Variants in RUNX1T1 observed in about 807,000 individuals in gnomAD.
The protein encoded by RUNX1T1 is RUNX1 partner transcriptional co-repressor 1, also known as protein CBFA2T1.
RUNX1T1 carries 4 observed loss-of-function variants against 62.8 expected under a neutral mutation model. That is an observed-to-expected ratio of 0.06 (90% CI 0.03 to 0.15). The LOEUF (loss-of-function observed/expected upper bound fraction) is 0.15, where lower values mean the gene tolerates loss of function less well. RUNX1T1 is among the 10% of genes least tolerant of loss of function. The pLI, the probability that RUNX1T1 is intolerant of heterozygous loss-of-function variation, is 1.00. For missense variants in RUNX1T1, 508 were observed against 754.3 expected, an observed-to-expected ratio of 0.67 and a Z score of 3.82; for synonymous variants, 291 against 286.0, an observed-to-expected ratio of 1.02 and a Z score of -0.18.
chr8:92,026,640 T>C (rs1825205292), intron 1 of RUNX1T1, among the ~76,000 whole-genome samples: 1 of 150,686 alleles, frequency 6.6e-6, no homozygotes, highest in Non-Finnish European at 1.5e-5. Flanking sequence ...GCTAACACAG[T>C]GAAACCCCGT....
intron 1 of RUNX1T1, among the ~76,000 whole-genome samples, chr8:92,096,047 C>A (rs187013173): frequency 6.6e-6 from 1 of 152,300 alleles, no homozygotes; most frequent in Non-Finnish European, 1.5e-5. Context: ...AGTTCTTGTC[C>A]CTTTCTTTGC....
chr8:92,090,495 A>T (rs1329689149), intron 1 of RUNX1T1, among the ~76,000 whole-genome samples: 1 of 152,124 alleles, frequency 6.6e-6, no homozygotes, highest in Non-Finnish European at 1.5e-5. Flanking sequence ...TGTAGAATGA[A>T]GGTATTCTGA....
intron 1 of RUNX1T1, among the ~76,000 whole-genome samples, chr8:92,090,022 CG>C (rs1836743705): frequency 1.3e-5 from 2 of 150,994 alleles, no homozygotes; most frequent in African/African-American, 4.9e-5. Flanking sequence ...GAGACTTGTC[CG>C]TATGAGAGTT....
intron 1 of RUNX1T1, 122 bp from the exon 3 acceptor site, chr8:92,017,485 A>G: frequency 6.4e-7 from 1 of 1,554,086 alleles, no homozygotes; most frequent in Non-Finnish European, 8.7e-7. Flanking sequence ...TCAATAAAAT[A>G]CACTTATCTA....
intron 1 of RUNX1T1, among the ~76,000 whole-genome samples, chr8:92,048,149 T>A (rs1829702471): frequency 6.6e-6 from 1 of 152,250 alleles, no homozygotes; most frequent in Non-Finnish European, 1.5e-5. Flanking sequence ...CAATTAACTT[T>A]AAATGTAAAC....
chr8:92,100,923 A>T (rs1838006565), upstream of RUNX1T1, among the ~76,000 whole-genome samples: 2 of 152,202 alleles, frequency 1.3e-5, no homozygotes, highest in Admixed American at 1.3e-4. Context: ...GTGTGACAGG[A>T]GAAACTGGGC....
At chr8:91,973,015 A>C (rs1813174897) in intron 9 of RUNX1T1, among the ~76,000 whole-genome samples, 2 of 151,970 alleles carry the variant, frequency 1.3e-5, no homozygotes, top group African/African-American at 4.8e-5. Context: ...TTGGATTTCT[A>C]ATCTTTAAAA....
At chr8:91,996,768 T>A (rs1358137685) in intron 5 of RUNX1T1, among the ~76,000 whole-genome samples, 5 of 152,080 alleles carry the variant, frequency 3.3e-5, no homozygotes, top group African/African-American at 4.8e-5. Context: ...CTTTTTTTTT[T>A]TCCAGCTCCT....
chr8:91,994,592 C>T (rs964920329), intron 5 of RUNX1T1: 17 of 497,268 alleles, frequency 3.4e-5, no homozygotes, highest in African/African-American at 3.1e-4. Flanking sequence ...TTGGTCAAGT[C>T]ACTTAACCTC....
intron 8 of RUNX1T1, among the ~76,000 whole-genome samples, chr8:91,982,551 T>C (rs1251795613): frequency 1.3e-5 from 2 of 152,222 alleles, no homozygotes; most frequent in African/African-American, 2.4e-5. Flanking sequence ...TCTACTTCAA[T>C]GGTCAAATCT....
intron 8 of RUNX1T1, among the ~76,000 whole-genome samples, chr8:91,982,232 G>C (rs1815461421): frequency 2.4e-5 from 3 of 122,748 alleles, no homozygotes; most frequent in Admixed American, 1.7e-4. Flanking sequence ...GTGAGACCCT[G>C]TCTCAAAAAA....
intron 8 of RUNX1T1, among the ~76,000 whole-genome samples, chr8:91,984,794 G>A (rs756078753): frequency 6.6e-6 from 1 of 151,950 alleles, no homozygotes; most frequent in Non-Finnish European, 1.5e-5. Flanking sequence ...GTTTGGCTTC[G>A]ACCAATATTG....
intron 4 of RUNX1T1, chr8:92,006,277 G>T (rs1007684744): frequency 8.5e-5 from 13 of 152,074 alleles, no homozygotes; most frequent in African/African-American, 3.1e-4. Context: ...TTTTATTATT[G>T]TTTGGGGAGG....
intron 10 of RUNX1T1, among the ~76,000 whole-genome samples, chr8:91,964,012 C>T (rs1811076647): frequency 1.3e-5 from 2 of 152,092 alleles, no homozygotes; most frequent in African/African-American, 4.8e-5. Flanking sequence ...ATTTTCCTCC[C>T]TATCTGAAAA....
exon 10 of RUNX1T1, chr8:91,970,784 C>A: frequency 6.2e-7 from 1 of 1,613,404 alleles, no homozygotes; most frequent in Non-Finnish European, 8.5e-7. Context: ...CTTTCCGCTC[C>A]GCCTCAGACA....
intron 3 of RUNX1T1, among the ~76,000 whole-genome samples, chr8:92,012,862 A>G (rs1266363161): frequency 1.3e-5 from 2 of 152,156 alleles, no homozygotes; most frequent in African/African-American, 4.8e-5. Flanking sequence ...TTTACTGCCT[A>G]TTATATGCAA....
In RUNX1T1 at chr8:92,095,010, G is replaced by A. The variant is rs941357631; in HGVS notation, c.-86+4570C>T. Reference sequence around the variant, plus strand: ...AAAACTAAACCCAATTAAAGATAAGGCCCTCCGGTATTCTCACCTCGGTGA... The same window carrying A: ...AAAACTAAACCCAATTAAAGATAAGACCCTCCGGTATTCTCACCTCGGTGA... On this transcript the variant is annotated intron_variant, in intron 1 of 11. Transcript: ENST00000265814. The A allele has an allele frequency of 3.9e-6, 6 of 1,524,068 alleles. No homozygotes were observed. In the African/African-American group the frequency reaches 6.9e-5, roughly 17 times the overall value. The allele number at this position is 1,524,068 out of a possible 1,614,324, so 94.4% of individuals were successfully genotyped here.
chr8:92,031,478 G>A (rs1826217663), intron 1 of RUNX1T1, among the ~76,000 whole-genome samples: 1 of 142,350 alleles, frequency 7.0e-6, no homozygotes, highest in Non-Finnish European at 1.6e-5. Context: ...AAGCATGTGT[G>A]TTTGTTTATT....
intron 1 of RUNX1T1, among the ~76,000 whole-genome samples, chr8:92,030,003 G>A (rs1283731995): frequency 6.6e-6 from 1 of 152,030 alleles, no homozygotes; most frequent in Non-Finnish European, 1.5e-5. Context: ...ATAACTCTTA[G>A]TATAAAATCC....
Sources: allele counts gnomAD v4.1 joint callset (sites outside exome capture counted in the v4.1 genomes callset), GRCh38; gene constraint gnomAD v4.1.1; transcripts MANE v1.5; gene names NCBI Gene and HGNC (gene_info 2026-07-23, HGNC 2026-07-21).